Variants in GRID1 observed in about 807,000 individuals in gnomAD.
GRID1 encodes glutamate receptor ionotropic, delta-1.
Under a neutral mutation model 98.0 loss-of-function variants are expected in GRID1, and 28 were observed. The observed-to-expected ratio is 0.29, with a 90% confidence interval of 0.21 to 0.39. The LOEUF is 0.39. Among genes scored for constraint, GRID1 ranks in the 10% least tolerant of loss-of-function variants. The probability of loss-of-function intolerance (pLI) is 1.00; values close to 1 mark genes in which losing one functional copy is unlikely to be tolerated. For missense variants in GRID1, 1,111 were observed against 1,340.5 expected, an observed-to-expected ratio of 0.83 and a Z score of 2.67; for synonymous variants, 553 against 538.5, an observed-to-expected ratio of 1.03 and a Z score of -0.37.
At chr10:86,275,508 A>G (rs1467492087) in intron 2 of GRID1, among the ~76,000 whole-genome samples, 3 of 152,162 alleles carry the variant, frequency 2.0e-5, no homozygotes, top group African/African-American at 7.2e-5. Flanking sequence ...AAAGGAAGAC[A>G]TGGACAAAGA....
intron 4 of GRID1, among the ~76,000 whole-genome samples, chr10:85,951,712 A>G (rs1842127938): frequency 6.6e-6 from 1 of 152,154 alleles, no homozygotes; most frequent in African/African-American, 2.4e-5. Flanking sequence ...GCCCACCCAG[A>G]CACACCCCAG....
chr10:85,705,543 G>C (rs1183682829), intron 12 of GRID1, among the ~76,000 whole-genome samples: 1 of 152,186 alleles, frequency 6.6e-6, no homozygotes, highest in Non-Finnish European at 1.5e-5. Context: ...GGAGGAGCTG[G>C]TACCATTCCT....
chr10:86,251,329 C>T (rs1846827233), intron 2 of GRID1, among the ~76,000 whole-genome samples: 1 of 150,896 alleles, frequency 6.6e-6, no homozygotes, highest in Admixed American at 6.6e-5. Context: ...CGAGAAACAC[C>T]CAAGAATGAT....
chr10:85,717,895 G>A (rs1337835302), intron 12 of GRID1, among the ~76,000 whole-genome samples: 2 of 148,972 alleles, frequency 1.3e-5, no homozygotes, highest in African/African-American at 4.9e-5. Context: ...CAGGGCCCAT[G>A]CAAGTCCGAA....
At chr10:86,351,955 G>T (rs1848468435) in intron 2 of GRID1, among the ~76,000 whole-genome samples, 2 of 152,236 alleles carry the variant, frequency 1.3e-5, no homozygotes, top group African/African-American at 4.8e-5. Context: ...CTGAGGCTCT[G>T]TGAATTACGT....
chr10:86,274,325 A>G (rs1348911379), intron 2 of GRID1, among the ~76,000 whole-genome samples: 1 of 152,176 alleles, frequency 6.6e-6, no homozygotes, highest in East Asian at 1.9e-4. Context: ...CTTGTAGTAT[A>G]GTTTGAAGTC....
At chr10:86,146,552 C>T (rs1446525544) in intron 3 of GRID1, among the ~76,000 whole-genome samples, 1 of 152,184 alleles carries the variant, frequency 6.6e-6, no homozygotes, top group East Asian at 1.9e-4. Flanking sequence ...ATACCCTTGC[C>T]CTCTGCCCGC....
In GRID1 at chr10:85,735,032, TGATAAGTGGGAA is replaced by T. The variant is rs1841865099; in HGVS notation, c.1234-5430_1234-5419del. On this transcript the variant is annotated intron_variant, in intron 8 of 15. Coordinates refer to ENST00000327946, the MANE Select transcript of GRID1 (RefSeq NM_017551.3). ...AAAAGCCAAACGAGGCCGATGGGCT[TGATAAGTGGGAA>T]GCCAGAAAAAGCTTTCATCCAAAGA... Among the ~76,000 whole-genome samples, 6 of 152,312 alleles carry T rather than the reference TGATAAGTGGGAA, an allele frequency of 3.9e-5. No individual in the cohort carries two copies. In the South Asian group the frequency reaches 1.2e-3, roughly 32 times the overall value.
chr10:85,874,647 GA>G (rs919992674), intron 5 of GRID1, among the ~76,000 whole-genome samples: 1 of 152,120 alleles, frequency 6.6e-6, no homozygotes, highest in African/African-American at 2.4e-5. Flanking sequence ...ATGTTTGTTA[GA>G]ACCAGGCTAC....
chr10:85,957,842 C>A (rs2131847251), intron 4 of GRID1, among the ~76,000 whole-genome samples: 1 of 152,326 alleles, frequency 6.6e-6, no homozygotes, highest in East Asian at 1.9e-4. Flanking sequence ...TGTCTATATG[C>A]CTGGTCTGGC....
intron 15 of GRID1, chr10:85,606,535 G>A (rs536235504): frequency 1.3e-5 from 2 of 152,258 alleles, no homozygotes; most frequent in South Asian, 2.1e-4. Flanking sequence ...GAAAACAAAC[G>A]CAGCCATTTG....
chr10:85,704,093 T>C (rs981731820), intron 12 of GRID1, among the ~76,000 whole-genome samples: 4 of 152,208 alleles, frequency 2.6e-5, no homozygotes, highest in Non-Finnish European at 5.9e-5. Flanking sequence ...AACATCATAA[T>C]GACAGGATCA....
chr10:85,753,548 G>A (rs773700095), intron 8 of GRID1, among the ~76,000 whole-genome samples: 1 of 152,230 alleles, frequency 6.6e-6, no homozygotes, highest in Non-Finnish European at 1.5e-5. Context: ...CTTGGTGACT[G>A]TAACTCCAGC....
At chr10:85,813,895 T>G (rs1450853564) in intron 8 of GRID1, among the ~76,000 whole-genome samples, 1 of 151,834 alleles carries the variant, frequency 6.6e-6, no homozygotes, top group Non-Finnish European at 1.5e-5. Flanking sequence ...CTAGAAATTT[T>G]CTAAAGTTTA....
In GRID1 at chr10:86,291,532, C is replaced by T. The variant is rs1564730472; in HGVS notation, c.235+72409G>A. 4.6e-5 allele frequency among the ~76,000 whole-genome samples: 7 copies of T among 152,202 alleles called. No homozygotes were observed. In the South Asian group the frequency reaches 1.0e-3, roughly 22 times the overall value. ...CCAGGGGCACAGCACAAGACTCTCA[C>T]TCAGCCTTTGGGCTTCAGCACAGGC... is the stretch of plus-strand genomic sequence containing the variant. On this transcript the variant is annotated intron_variant, in intron 2 of 15. Transcript: ENST00000327946.
At chr10:86,009,671 C>T (rs1842903113) in intron 4 of GRID1, among the ~76,000 whole-genome samples, 1 of 152,186 alleles carries the variant, frequency 6.6e-6, no homozygotes, top group African/African-American at 2.4e-5. Flanking sequence ...TTTCCCAACA[C>T]TGTTTATGTT....
chr10:85,955,118 G>A (rs775486959), intron 4 of GRID1, among the ~76,000 whole-genome samples: 1 of 152,192 alleles, frequency 6.6e-6, no homozygotes, highest in Non-Finnish European at 1.5e-5. Context: ...CCCCCTGGGT[G>A]ACTCCCAGCT....
chr10:86,181,834 T>C (rs1845659413), intron 3 of GRID1, among the ~76,000 whole-genome samples: 1 of 152,192 alleles, frequency 6.6e-6, no homozygotes, highest in East Asian at 1.9e-4. Context: ...TTCTTAGTTA[T>C]TTATTCTCTG....
intron 8 of GRID1, among the ~76,000 whole-genome samples, chr10:85,747,188 C>T (rs1240306746): frequency 6.6e-6 from 1 of 152,094 alleles, no homozygotes; most frequent in African/African-American, 2.4e-5. Flanking sequence ...AAACTCAGAA[C>T]TTCTGAATCA....
Sources: allele counts gnomAD v4.1 joint callset (sites outside exome capture counted in the v4.1 genomes callset), GRCh38; gene constraint gnomAD v4.1.1; transcripts MANE v1.5; gene names NCBI Gene and HGNC (gene_info 2026-07-23, HGNC 2026-07-21).